SORCS2: variants seen among roughly 807,000 people sequenced by gnomAD.
SORCS2 encodes the protein sortilin related VPS10 domain containing receptor 2.
A neutral mutation model predicts 141.6 loss-of-function variants in SORCS2; 100 were observed. The observed-to-expected ratio is 0.71, with a 90% CI of 0.60 to 0.83. SORCS2 has a LOEUF of 0.83. Among genes scored for constraint, SORCS2 ranks in the 40% least tolerant of loss-of-function variants. The pLI is 0.00. For synonymous variants in SORCS2, 789 were observed against 676.9 expected, an observed-to-expected ratio of 1.17 and a Z score of -2.57; for missense variants, 1,646 against 1,560.2, an observed-to-expected ratio of 1.05 and a Z score of -0.93.
chr4:7,618,436 A>G (rs1021083687), intron 3 of SORCS2, among the ~76,000 whole-genome samples: 4 of 152,088 alleles, frequency 2.6e-5, no homozygotes, highest in Non-Finnish European at 4.4e-5. Context: ...ATCAGGTTGC[A>G]TCTCCTCTGT....
chr4:7,664,269 G>A lies in SORCS2; in HGVS notation c.953-84G>A. ...AAGCCACACCACAGCGGTATTGGAG[G>A]AAGATGGAGTCCAGCACATGTCTCG... On this transcript the variant is annotated intron_variant, in intron 6 of 26. Coordinates refer to ENST00000507866, the MANE Select transcript of SORCS2 (RefSeq NM_020777.3). The surrounding 1 kb of genome is among the most constrained non-coding windows in gnomAD (Gnocchi z 4.7). 2 of 1,076,266 alleles carry A rather than the reference G, an allele frequency of 1.9e-6. No individual in the cohort carries two copies. Among genetic ancestry groups the A allele is most frequent in the South Asian group, 2.9e-5 (2 of 70,102 alleles). The allele number at this position is 1,076,266 out of a possible 1,614,324, so 66.7% of individuals were successfully genotyped here. A position where few individuals can be genotyped will look rare whatever the true frequency, so the allele number is the denominator to read the frequency against.
intron 1 of SORCS2, among the ~76,000 whole-genome samples, chr4:7,373,100 C>T (rs1027059376): frequency 2.1e-4 from 31 of 149,676 alleles, no homozygotes; most frequent in African/African-American, 7.1e-4. Context: ...CTCTTAAATA[C>T]GTAGCCGTGA....
At chr4:7,509,285 G>A (rs4689770) in intron 2 of SORCS2, among the ~76,000 whole-genome samples, 148,458 of 152,184 alleles carry the variant, frequency 0.98, 72,516 homozygotes, top group East Asian at 1. Context: ...ACTAGAATCA[G>A]TGTGGGCCAC....
chr4:7,269,002 A>C (rs1281089779), intron 1 of SORCS2, among the ~76,000 whole-genome samples: 1 of 152,210 alleles, frequency 6.6e-6, no homozygotes, highest in Non-Finnish European at 1.5e-5. Context: ...GGAGACTTCT[A>C]GAAGCACATG....
chr4:7,506,563 G>A (rs1159207933), intron 2 of SORCS2, among the ~76,000 whole-genome samples: 1 of 152,158 alleles, frequency 6.6e-6, no homozygotes, highest in Non-Finnish European at 1.5e-5. Context: ...ATGAACAGTG[G>A]AACCCGTAAG....
intron 1 of SORCS2, among the ~76,000 whole-genome samples, chr4:7,314,151 G>A (rs897285093): frequency 7.2e-5 from 11 of 152,072 alleles, no homozygotes; most frequent in African/African-American, 2.2e-4. Flanking sequence ...TGTGCCGTGC[G>A]GTGAGGGGGT....
intron 1 of SORCS2, among the ~76,000 whole-genome samples, chr4:7,205,490 A>G (rs1056348107): frequency 1.3e-5 from 2 of 152,234 alleles, no homozygotes; most frequent in Admixed American, 6.5e-5. Flanking sequence ...GATGATTTCC[A>G]TAGTTTTGAA....
intron 4 of SORCS2, among the ~76,000 whole-genome samples, chr4:7,653,869 C>T (rs547824411): frequency 6.6e-6 from 1 of 152,234 alleles, no homozygotes; most frequent in Non-Finnish European, 1.5e-5. Flanking sequence ...CTCAGACACA[C>T]CTCCTCTGTG....
chr4:7,256,565 AG>A (rs770138635), intron 1 of SORCS2, among the ~76,000 whole-genome samples: 3 of 151,888 alleles, frequency 2.0e-5, no homozygotes, highest in Non-Finnish European at 4.4e-5. Flanking sequence ...GGCCCTTGCT[AG>A]GAACTGGGGG....
intron 2 of SORCS2, among the ~76,000 whole-genome samples, chr4:7,401,871 T>C (rs908906078): frequency 2.0e-5 from 3 of 152,190 alleles, no homozygotes; most frequent in South Asian, 2.1e-4. Context: ...TTGTTAGGGA[T>C]AGGAAGTGAT....
chr4:7,293,622 A>G (rs1560169482), intron 1 of SORCS2, among the ~76,000 whole-genome samples: 1 of 152,254 alleles, frequency 6.6e-6, no homozygotes, highest in East Asian at 1.9e-4. Context: ...GAACTGGGTA[A>G]AGCCAACCTG....
intron 1 of SORCS2, among the ~76,000 whole-genome samples, chr4:7,384,908 T>C (rs1377923566): frequency 6.6e-6 from 1 of 152,208 alleles, no homozygotes; most frequent in Non-Finnish European, 1.5e-5. Flanking sequence ...ATCAGGCAGG[T>C]GGAGGTCCAG....
At chr4:7,578,731 A>G (rs1000894364) in intron 3 of SORCS2, among the ~76,000 whole-genome samples, 1 of 152,226 alleles carries the variant, frequency 6.6e-6, no homozygotes, top group African/African-American at 2.4e-5. Context: ...CGGCTTTGAC[A>G]GGTCACATGA....
intron 1 of SORCS2, among the ~76,000 whole-genome samples, chr4:7,250,359 C>T (rs898659573): frequency 6.6e-6 from 1 of 152,196 alleles, no homozygotes; most frequent in African/African-American, 2.4e-5. Flanking sequence ...CTGCTCTATG[C>T]GTCATTTAAA....
chr4:7,719,299 C>T (rs1209770344), intron 18 of SORCS2, among the ~76,000 whole-genome samples: 3 of 152,268 alleles, frequency 2.0e-5, no homozygotes, highest in African/African-American at 7.2e-5. Flanking sequence ...CGACGCAGAG[C>T]AGTGCTTGCC....
chr4:7,712,717 C>T lies in SORCS2; in HGVS notation c.1869-16C>T, dbSNP rs1725906713. 6.2e-7 allele frequency: 1 copy of T among 1,613,932 alleles called. No individual in the cohort carries two copies. Among genetic ancestry groups the T allele is most frequent in the Non-Finnish European group, 8.5e-7 (1 of 1,179,842 alleles). On this transcript the variant is annotated splice_polypyrimidine_tract_variant and intron_variant, in intron 14 of 26. Coordinates refer to ENST00000507866, the MANE Select transcript of SORCS2 (RefSeq NM_020777.3). ...GAAGGTGGTTTTCTCTCCCTTCCCT[C>T]CTCTTCCCACCCCAGGGTCTTTGGC...
chr4:7,541,382 T>A (rs1712643471), intron 3 of SORCS2, among the ~76,000 whole-genome samples: 1 of 152,206 alleles, frequency 6.6e-6, no homozygotes, highest in African/African-American at 2.4e-5. Flanking sequence ...TGCTGGTAAT[T>A]TGGGCTGCCA....
At chr4:7,230,340 G>C (rs1435900562) in intron 1 of SORCS2, among the ~76,000 whole-genome samples, 1 of 84,258 alleles carries the variant, frequency 1.2e-5, no homozygotes, top group Non-Finnish European at 2.4e-5. Flanking sequence ...TGTCTGGGCA[G>C]GACTAGTGTC....
At chr4:7,486,702 A>G (rs1731010530) in intron 2 of SORCS2, among the ~76,000 whole-genome samples, 1 of 152,128 alleles carries the variant, frequency 6.6e-6, no homozygotes, top group Admixed American at 6.5e-5. Context: ...CCTCCAAAGG[A>G]GGATCCCTCC....
Sources: gnomAD v4.1 joint callset for allele counts (sites outside exome capture counted in the v4.1 genomes callset) on GRCh38, gnomAD v4.1.1 for gene constraint, Gnocchi (gnomAD v3.1) non-coding constraint, MANE v1.5 for transcripts, NCBI Gene and HGNC (gene_info 2026-07-23, HGNC 2026-07-21) for gene names.